GRIK4: variants seen among roughly 807,000 people sequenced by gnomAD.
GRIK4 encodes glutamate receptor ionotropic, kainate 4.
In GRIK4, 40 loss-of-function variants were observed where a neutral mutation model predicts 104.9. The ratio of observed to expected loss-of-function variants is 0.38; its 90% CI spans 0.30 to 0.50. The LOEUF is 0.50. GRIK4 is among the 20% of genes least tolerant of loss of function. The pLI is 0.93. For synonymous variants in GRIK4, 485 were observed against 524.9 expected (o/e 0.92, Z 1.04); for missense variants, 1,047 against 1,308.1 (o/e 0.80, Z 3.08).
At chr11:120,783,570 A>G (rs1444529255) in intron 3 of GRIK4, among the ~76,000 whole-genome samples, 2 of 152,106 alleles carry the variant, frequency 1.3e-5, no homozygotes, top group Non-Finnish European at 2.9e-5. Flanking sequence ...CTTAATTTTT[A>G]GAGTGGGTAA....
At chr11:120,759,297 A>T (rs1951704262) in intron 3 of GRIK4, among the ~76,000 whole-genome samples, 2 of 152,200 alleles carry the variant, frequency 1.3e-5, no homozygotes, top group African/African-American at 4.8e-5. Flanking sequence ...AAGTAAATGA[A>T]TTGGCTTCCA....
intron 3 of GRIK4, among the ~76,000 whole-genome samples, chr11:120,773,517 G>A (rs2135460361): frequency 6.6e-6 from 1 of 152,344 alleles, no homozygotes; most frequent in Admixed American, 6.5e-5. Flanking sequence ...GCGTGCGAAT[G>A]GATGCAGTGG....
chr11:120,719,573 C>A (rs1591832832), intron 3 of GRIK4, among the ~76,000 whole-genome samples: 1 of 152,232 alleles, frequency 6.6e-6, no homozygotes, highest in East Asian at 1.9e-4. Flanking sequence ...GTGAGTCAGT[C>A]TCCTAGAGGC....
intron 16 of GRIK4, among the ~76,000 whole-genome samples, 173 bp from the exon 17 acceptor site, chr11:120,960,736 T>A (rs1944269564): frequency 6.6e-6 from 1 of 152,232 alleles, no homozygotes; most frequent in South Asian, 2.1e-4. Flanking sequence ...CAAACGCGAT[T>A]CATTTCTGTT....
chr11:120,713,773 G>T (rs904960490), intron 3 of GRIK4, among the ~76,000 whole-genome samples: 1 of 152,190 alleles, frequency 6.6e-6, no homozygotes, highest in Non-Finnish European at 1.5e-5. Flanking sequence ...AATATTCATA[G>T]TTCTGTTCAC....
chr11:120,574,244 G>A (rs529930252), intron 1 of GRIK4, among the ~76,000 whole-genome samples: 3 of 152,282 alleles, frequency 2.0e-5, no homozygotes, highest in East Asian at 1.9e-4. Flanking sequence ...GGACTGTGCC[G>A]GGAGCAGCCA....
intron 3 of GRIK4, among the ~76,000 whole-genome samples, chr11:120,711,916 C>T (rs1022779232): frequency 2.0e-5 from 3 of 152,228 alleles, no homozygotes; most frequent in Non-Finnish European, 2.9e-5. Context: ...CTACCCATTC[C>T]GTGGTCTGAG....
chr11:120,643,014 A>T (rs147456004), intron 1 of GRIK4, among the ~76,000 whole-genome samples: 32 of 152,242 alleles, frequency 2.1e-4, no homozygotes, highest in Admixed American at 5.2e-4. Context: ...GTGACTGCTC[A>T]CATGTTTCCC....
At chr11:120,928,988 T>TGTGTGTGTGC (rs1205285819) in intron 13 of GRIK4, among the ~76,000 whole-genome samples, 5 of 118,598 alleles carry the variant, frequency 4.2e-5, no homozygotes, top group African/African-American at 1.3e-4. Context: ...TGTGTGTGTG[T>TGTGTGTGTGC]GCGCGCGTGC....
At chr11:120,732,499 G>A (rs941526126) in intron 3 of GRIK4, among the ~76,000 whole-genome samples, 12 of 152,042 alleles carry the variant, frequency 7.9e-5, no homozygotes, top group Non-Finnish European at 1.3e-4. Flanking sequence ...TTTTAATGAG[G>A]CACCTACAGG....
intron 3 of GRIK4, among the ~76,000 whole-genome samples, chr11:120,727,190 A>G (rs1000485774): frequency 6.6e-6 from 1 of 152,192 alleles, no homozygotes; most frequent in Admixed American, 6.5e-5. Flanking sequence ...GATGGAACAA[A>G]GGGGCGAGAG....
At chr11:120,720,467 A>G (rs1043524419) in intron 3 of GRIK4, among the ~76,000 whole-genome samples, 7 of 152,162 alleles carry the variant, frequency 4.6e-5, no homozygotes, top group African/African-American at 1.7e-4. Flanking sequence ...GCTATTTGGG[A>G]TGGTACCTGG....
chr11:120,745,088 C>T (rs974681145), intron 3 of GRIK4, among the ~76,000 whole-genome samples: 1 of 152,150 alleles, frequency 6.6e-6, no homozygotes, highest in East Asian at 1.9e-4. Flanking sequence ...GAATGACCGT[C>T]CCACCTCATC....
At chr11:120,774,467 C>G (rs985300694) in intron 3 of GRIK4, among the ~76,000 whole-genome samples, 2 of 152,152 alleles carry the variant, frequency 1.3e-5, no homozygotes, top group Non-Finnish European at 2.9e-5. Flanking sequence ...GATTGCAGGT[C>G]AGGTCAAAAG....
At chr11:120,898,370 C>T (rs1398194914) in intron 11 of GRIK4, among the ~76,000 whole-genome samples, 162 bp from the exon 12 acceptor site, 1 of 151,506 alleles carries the variant, frequency 6.6e-6, no homozygotes, top group Non-Finnish European at 1.5e-5. Context: ...AGCCCCCCAA[C>T]CCTGGGAAAC....
intron 3 of GRIK4, among the ~76,000 whole-genome samples, chr11:120,688,418 C>T (rs944594910): frequency 2.0e-5 from 3 of 152,154 alleles, no homozygotes; most frequent in African/African-American, 7.2e-5. Context: ...GCCCAGCCAA[C>T]TAGGAGCAAA....
At chr11:120,627,777 AG>A (rs1478405436) in intron 1 of GRIK4, among the ~76,000 whole-genome samples, 1 of 152,178 alleles carries the variant, frequency 6.6e-6, no homozygotes, top group Admixed American at 6.5e-5. Flanking sequence ...ATAAGCAGAG[AG>A]GGTCCCCAAA....
chr11:120,821,782 C>A (rs58299807), intron 6 of GRIK4, among the ~76,000 whole-genome samples: 1 of 152,192 alleles, frequency 6.6e-6, no homozygotes. Context: ...AGTCAACAGG[C>A]GTCTTCGAGC....
chr11:120,869,083 A>T (rs1218592720), intron 9 of GRIK4: 1 of 152,326 alleles, frequency 6.6e-6, no homozygotes, highest in Non-Finnish European at 1.5e-5. Context: ...TCAGAGGAGA[A>T]ATTCGGTGAG....
Sources: allele counts gnomAD v4.1 joint callset (sites outside exome capture counted in the v4.1 genomes callset), GRCh38; gene constraint gnomAD v4.1.1; transcripts MANE v1.5; gene names NCBI Gene and HGNC (gene_info 2026-07-23, HGNC 2026-07-21).